The following OSBPL2 variants were observed in gnomAD, a reference collection of about 807,000 sequenced individuals.
OSBPL2 encodes oxysterol-binding protein-related protein 2.
A neutral mutation model predicts 58.4 loss-of-function variants in OSBPL2; 18 were observed. That is an observed-to-expected ratio of 0.31 (90% CI 0.21 to 0.46). OSBPL2 has a LOEUF of 0.46. Ranked by LOEUF, OSBPL2 falls within the 20% of genes least tolerant of loss-of-function variation. The pLI, the probability that OSBPL2 is intolerant of heterozygous loss-of-function variation, is 1.00. For synonymous variants in OSBPL2, 221 were observed against 234.1 expected (o/e 0.94, Z 0.51); for missense variants, 461 against 616.5 (o/e 0.75, Z 2.67).
At chr20:62,260,452 A>G (rs1327726040) in intron 3 of OSBPL2, among the ~76,000 whole-genome samples, 1 of 152,310 alleles carries the variant, frequency 6.6e-6, no homozygotes, top group East Asian at 1.9e-4. Flanking sequence ...CCTGGCAAAC[A>G]GTACATGGCG....
intron 4 of OSBPL2, among the ~76,000 whole-genome samples, chr20:62,270,395 C>T (rs1313308085): frequency 1.4e-5 from 2 of 139,598 alleles, no homozygotes; most frequent in African/African-American, 2.7e-5. Flanking sequence ...TCTCTGGGTC[C>T]TCTCCTTGTC....
At chr20:62,251,099 A>G (rs1166400677) in intron 1 of OSBPL2, among the ~76,000 whole-genome samples, 3 of 128,218 alleles carry the variant, frequency 2.3e-5, no homozygotes, top group African/African-American at 6.1e-5. Context: ...GCTGGAGTGC[A>G]GTGGTGCGAT....
chr20:62,264,940 T>A (rs747597889), intron 4 of OSBPL2, among the ~76,000 whole-genome samples: 7 of 152,202 alleles, frequency 4.6e-5, no homozygotes, highest in Non-Finnish European at 8.8e-5. Flanking sequence ...CACACAGAAG[T>A]GAGGTACCCT....
intron 12 of OSBPL2, among the ~76,000 whole-genome samples, chr20:62,290,421 T>G (rs964667133): frequency 7.3e-6 from 1 of 136,230 alleles, no homozygotes; most frequent in Non-Finnish European, 1.6e-5. Flanking sequence ...GTTTTTTTTT[T>G]TTTTTTTTTT....
chr20:62,248,174 T>TGC (rs1980275612), intron 1 of OSBPL2, among the ~76,000 whole-genome samples: 1 of 37,290 alleles, frequency 2.7e-5, no homozygotes, highest in African/African-American at 8.9e-5. Context: ...TTTTTTTTTG[T>TGC]GACAGGGTCT....
rs571671710 is a variant in OSBPL2, at chr20:62,263,272, C to T, written c.183-344C>T. ...GTGGTCTGGCCGCTGCCCCAGGGAC[C>T]CAGCAGGAGCCCCCAGAAGGCTGTG... is the stretch of plus-strand genomic sequence containing the variant. On this transcript the variant is annotated intron_variant, in intron 3 of 13. Coordinates refer to ENST00000313733, the MANE Select transcript of OSBPL2 (RefSeq NM_144498.4). 1.2e-4 allele frequency among the ~76,000 whole-genome samples: 19 copies of T among 152,312 alleles called. No individual in the cohort carries two copies. The East Asian group carries it at 3.5e-3, about 28-fold the overall frequency.
Position 62,295,745 on chromosome 20 carries a change from G to A in OSBPL2, c.*1858G>A, listed in dbSNP as rs1983824006. ...ATCTGCTTTTCCAGACTGTGGTTGT[G>A]AACCGGCTCCTTCTCCAAGAAAGGT... is the stretch of plus-strand genomic sequence containing the variant. On this transcript the variant is annotated 3_prime_UTR_variant, in exon 14 of 14. Transcript: ENST00000313733. The surrounding 1 kb of genome is among the most constrained non-coding windows in gnomAD (Gnocchi z 4.8). 6.6e-6 allele frequency: 1 copy of A among 151,566 alleles called. No homozygotes were observed. Among genetic ancestry groups the A allele is most frequent in the South Asian group, 2.1e-4 (1 of 4,754 alleles). The allele number at this position is 151,566 out of a possible 1,614,324, so 9.4% of individuals were successfully genotyped here.
intron 7 of OSBPL2, 39 bp from the exon 8 acceptor site, chr20:62,281,016 CTTT>C: frequency 6.6e-7 from 1 of 1,517,344 alleles, no homozygotes; most frequent in Non-Finnish European, 9.2e-7. Context: ...CGTGTCTTGG[CTTT>C]TCTGGACTCT....
At chr20:62,278,465 G>A (rs1375044842) in intron 6 of OSBPL2, 1 of 178,118 alleles carries the variant, frequency 5.6e-6, no homozygotes, top group African/African-American at 2.5e-5. Flanking sequence ...ATGTTTGTGT[G>A]TGTGTCTGTT....
chr20:62,281,544 C>G (rs1046951158), intron 8 of OSBPL2: 1 of 523,618 alleles, frequency 1.9e-6, no homozygotes, highest in Non-Finnish European at 3.5e-6. Flanking sequence ...GAGGTATAAT[C>G]GATGCATCAT....
chr20:62,245,591 G>A (rs917908432), intron 1 of OSBPL2, among the ~76,000 whole-genome samples: 1 of 152,216 alleles, frequency 6.6e-6, no homozygotes, highest in African/African-American at 2.4e-5. Context: ...AGCTTCTGAT[G>A]CAGTTGGACT....
In OSBPL2 at chr20:62,266,381, A is replaced by G. The variant is rs758589452; in HGVS notation, c.258+2690A>G. Among the ~76,000 whole-genome samples, 3 of 152,228 alleles carry G rather than the reference A, an allele frequency of 2.0e-5. No homozygotes were observed. The East Asian group carries it at 5.8e-4, about 29-fold the overall frequency. On this transcript the variant is annotated intron_variant, in intron 4 of 13. Coordinates refer to ENST00000313733, the MANE Select transcript of OSBPL2 (RefSeq NM_144498.4). ...CTCTTTTTACTACTTCTCAGCTTGT[A>G]TTGAAAAAACACAAGCACACTTGGC...
At chr20:62,268,620 G>T (rs1206321920) in intron 4 of OSBPL2, among the ~76,000 whole-genome samples, 2 of 152,128 alleles carry the variant, frequency 1.3e-5, no homozygotes, top group African/African-American at 4.8e-5. Context: ...TCTTTTTAGA[G>T]ACTGAGTCTT....
intron 11 of OSBPL2, among the ~76,000 whole-genome samples, chr20:62,287,994 A>G (rs1389815664): frequency 6.6e-6 from 1 of 151,902 alleles, no homozygotes; most frequent in Non-Finnish European, 1.5e-5. Context: ...CTTGGGTGCC[A>G]GGGAGGGCAT....
At chr20:62,267,563 C>T (rs904953085) in intron 4 of OSBPL2, among the ~76,000 whole-genome samples, 1 of 152,172 alleles carries the variant, frequency 6.6e-6, no homozygotes, top group Admixed American at 6.5e-5. Context: ...AGTCTTATTT[C>T]GAGGTCTGTT....
Position 62,293,532 on chromosome 20 carries a change from G to A in OSBPL2, c.1341-253G>A, listed in dbSNP as rs576900844. Among the ~76,000 whole-genome samples the A allele has an allele frequency of 5.3e-5, 8 of 152,362 alleles. No individual in the cohort carries two copies. In the East Asian group the frequency reaches 9.6e-4, roughly 18 times the overall value. Reference sequence around the variant, plus strand: ...GATAAGGGCCCAGTGTGAGGATTTTGTGTTGAGTTAAACCCTCAAGATTTT... The same window carrying A: ...GATAAGGGCCCAGTGTGAGGATTTTATGTTGAGTTAAACCCTCAAGATTTT... On this transcript the variant is annotated intron_variant, in intron 13 of 13. Coordinates refer to ENST00000313733, the MANE Select transcript of OSBPL2 (RefSeq NM_144498.4).
chr20:62,270,231 G>A (rs185995804), intron 4 of OSBPL2, among the ~76,000 whole-genome samples: 1 of 152,270 alleles, frequency 6.6e-6, no homozygotes, highest in Non-Finnish European at 1.5e-5. Context: ...CAGCTCATGT[G>A]TGTGTCAGCT....
chr20:62,281,287 C>T lies in OSBPL2; in HGVS notation c.782+122C>T, dbSNP rs547032982. ...TCAGCCTCACGAGCTGCTGCCGTGT[C>T]CCCGCCAGCCCAGGCATAGCAGCTG... On this transcript the variant is annotated intron_variant, in intron 8 of 13. Coordinates refer to ENST00000313733, the MANE Select transcript of OSBPL2 (RefSeq NM_144498.4). 3 of 668,252 alleles carry T rather than the reference C, an allele frequency of 4.5e-6. No individual in the cohort carries two copies. In the East Asian group the frequency reaches 8.2e-5, roughly 18 times the overall value. The allele number at this position is 668,252 out of a possible 1,614,324, so 41.4% of individuals were successfully genotyped here. A position where few individuals can be genotyped will look rare whatever the true frequency, so the allele number is the denominator to read the frequency against.
intron 1 of OSBPL2, among the ~76,000 whole-genome samples, chr20:62,248,959 A>G (rs1346657460): frequency 6.6e-6 from 1 of 152,080 alleles, no homozygotes; most frequent in African/African-American, 2.4e-5. Context: ...TGGCTTCCCA[A>G]GGTATTGGGG....
Sources: gnomAD v4.1 joint callset for allele counts (sites outside exome capture counted in the v4.1 genomes callset) on GRCh38, gnomAD v4.1.1 for gene constraint, Gnocchi (gnomAD v3.1) non-coding constraint, MANE v1.5 for transcripts, NCBI Gene and HGNC (gene_info 2026-07-23, HGNC 2026-07-21) for gene names.